Variants in TRPM8 observed in about 807,000 individuals in gnomAD.
The protein encoded by TRPM8 is TRPM8 cationic channel.
In TRPM8, 110 loss-of-function variants were observed where a neutral mutation model predicts 133.7. The ratio of observed to expected loss-of-function variants is 0.82; its 90% CI spans 0.70 to 0.96. The LOEUF is 0.96. Ranked by LOEUF, TRPM8 falls within the 40% of genes least tolerant of loss-of-function variation. The probability of loss-of-function intolerance (pLI) is 0.00; values close to 1 mark genes in which losing one functional copy is unlikely to be tolerated. For missense variants in TRPM8, 1,291 were observed against 1,379.5 expected, an observed-to-expected ratio of 0.94 and a Z score of 1.02; for synonymous variants, 535 against 532.3, an observed-to-expected ratio of 1.01 and a Z score of -0.07.
Position 233,995,662 on chromosome 2 carries a change from A to T in TRPM8, c.2940-664A>T, listed in dbSNP as rs17862939. Among the ~76,000 whole-genome samples the T allele has an allele frequency of 5.7e-3, 869 of 152,290 alleles. 4 individuals carry two copies. The highest frequency in any genetic ancestry group is 9.9e-3 in the Admixed American group (151 of 15,296). On this transcript the variant is annotated intron_variant, in intron 21 of 25. Transcript: ENST00000324695. Reference sequence around the variant, plus strand: ...ATAACTTTAATGGCTGCATAATGTAATCATATTGATTAATCGTAATGTGTG... The same window carrying T: ...ATAACTTTAATGGCTGCATAATGTATTCATATTGATTAATCGTAATGTGTG...
chr2:233,985,083 G>GAA (rs11305740), intron 20 of TRPM8, among the ~76,000 whole-genome samples: 46,834 of 146,182 alleles, frequency 0.32, 7,693 homozygotes, highest in Middle Eastern at 0.39. Context: ...GATTCTGTCT[G>GAA]AAAAAAAAAA....
intron 2 of TRPM8, among the ~76,000 whole-genome samples, chr2:233,928,841 C>T (rs1444590422): frequency 6.6e-6 from 1 of 152,160 alleles, no homozygotes; most frequent in Admixed American, 6.5e-5. Context: ...GAGGTTATAA[C>T]CACTATCCTG....
chr2:233,949,963 C>T lies in TRPM8; in HGVS notation c.957C>T (p.Ser319=). ...GKETLKAINT[S]IKNKIPCVVV... is the part of the protein sequence containing the mutation. ...CCTTCCTCCAGGCCATCAATACCTCCATCAAAAATAAAATTCCTTGTGTGG... is the reference window on the plus strand; with the variant it reads ...CCTTCCTCCAGGCCATCAATACCTCTATCAAAAATAAAATTCCTTGTGTGG... The change falls in exon 9 of 26, where the codon TCC becomes TCT. Residue 319 remains serine, a synonymous_variant. Transcript: ENST00000324695. 1 of 1,614,144 alleles carries T rather than the reference C, an allele frequency of 6.2e-7. No individual in the cohort carries two copies. Among genetic ancestry groups the T allele is most frequent in the African/African-American group, 1.3e-5 (1 of 75,054 alleles).
intron 23 of TRPM8, among the ~76,000 whole-genome samples, chr2:234,007,608 T>C (rs1392783657): frequency 6.6e-6 from 1 of 152,214 alleles, no homozygotes; most frequent in East Asian, 1.9e-4. Flanking sequence ...CAGCTGTCAC[T>C]CTTCCTGAGG....
intron 3 of TRPM8, among the ~76,000 whole-genome samples, chr2:233,931,577 C>T (rs1691680080): frequency 6.6e-6 from 1 of 152,174 alleles, no homozygotes; most frequent in Non-Finnish European, 1.5e-5. Context: ...GGCCTTGAGC[C>T]AATTATTCTC....
chr2:233,996,555 G>A, intron 22 of TRPM8, 39 bp downstream of exon 22: 1 of 1,591,102 alleles, frequency 6.3e-7, no homozygotes, highest in Non-Finnish European at 8.6e-7. Flanking sequence ...ATCAGAAGCA[G>A]CGATTAATTT....
At chr2:233,974,601 C>A (rs1691820046) in intron 17 of TRPM8, among the ~76,000 whole-genome samples, 1 of 152,150 alleles carries the variant, frequency 6.6e-6, no homozygotes, top group African/African-American at 2.4e-5. Flanking sequence ...CCTGGCAGGC[C>A]TTTTCTGGCA....
chr2:233,928,003 T>C (rs936648793), intron 2 of TRPM8, among the ~76,000 whole-genome samples: 1 of 143,712 alleles, frequency 7.0e-6, no homozygotes, highest in African/African-American at 2.7e-5. Flanking sequence ...GGAGTCTCGC[T>C]GTATCGCCCA....
intron 1 of TRPM8, among the ~76,000 whole-genome samples, chr2:233,920,236 T>A (rs1183295451): frequency 1.3e-5 from 2 of 152,218 alleles, no homozygotes; most frequent in Admixed American, 6.5e-5. Flanking sequence ...GGTAGGTCTA[T>A]CGTGAAGTTT....
At chr2:233,938,892 C>T (rs1574702812) in intron 4 of TRPM8, 106 bp from the exon 5 acceptor site, 1 of 1,344,818 alleles carries the variant, frequency 7.4e-7, no homozygotes, top group East Asian at 2.4e-5. Context: ...CCCCGCCCCT[C>T]TTCTAGAAGC....
At chr2:233,976,702 G>T (rs1691882221) in intron 17 of TRPM8, among the ~76,000 whole-genome samples, 1 of 152,170 alleles carries the variant, frequency 6.6e-6, no homozygotes, top group Non-Finnish European at 1.5e-5. Flanking sequence ...GGGTATGAAA[G>T]CAACAGTATG....
chr2:233,978,086 T>TTA (rs1691914048), intron 17 of TRPM8, among the ~76,000 whole-genome samples: 1 of 152,124 alleles, frequency 6.6e-6, no homozygotes, highest in Non-Finnish European at 1.5e-5. Context: ...ATTTGCTTTT[T>TTA]TTTTTTTTTA....
intron 9 of TRPM8, among the ~76,000 whole-genome samples, chr2:233,950,478 A>G (rs2125130609): frequency 6.6e-6 from 1 of 152,372 alleles, no homozygotes; most frequent in Non-Finnish European, 1.5e-5. Context: ...AAAAAGAGAT[A>G]AACATATCAG....
Position 233,955,083 on chromosome 2 carries a change from C to G in TRPM8, c.1244-49C>G, listed in dbSNP as rs1382789096. On this transcript the variant is annotated intron_variant, in intron 10 of 25. Transcript: ENST00000324695. ...TTGGCCACACTGAATGGTTCTCACTCTTATTTCTGAGCCTTTGGTGAGTTG... is the reference window on the plus strand; with the variant it reads ...TTGGCCACACTGAATGGTTCTCACTGTTATTTCTGAGCCTTTGGTGAGTTG... 5 of 1,425,986 alleles carry G rather than the reference C, an allele frequency of 3.5e-6. No homozygotes were observed. In the Admixed American group the frequency reaches 8.4e-5, roughly 24 times the overall value. The allele number at this position is 1,425,986 out of a possible 1,614,324, so 88.3% of individuals were successfully genotyped here. A position where few individuals can be genotyped will look rare whatever the true frequency, so the allele number is the denominator to read the frequency against.
At chr2:233,982,763 T>G (rs1692042109) in intron 19 of TRPM8, among the ~76,000 whole-genome samples, 1 of 152,208 alleles carries the variant, frequency 6.6e-6, no homozygotes, top group Non-Finnish European at 1.5e-5. Flanking sequence ...AGATTCCTCC[T>G]TTGCTCTAGA....
At chr2:233,958,336 T>A (rs1691341522) in intron 11 of TRPM8, among the ~76,000 whole-genome samples, 1 of 152,174 alleles carries the variant, frequency 6.6e-6, no homozygotes, top group African/African-American at 2.4e-5. Flanking sequence ...AATGGTAGAA[T>A]CAAGGTTGAG....
chr2:233,942,480 T>C, intron 5 of TRPM8, 96 bp from the exon 6 acceptor site: 1 of 1,241,656 alleles, frequency 8.1e-7, no homozygotes, highest in Non-Finnish European at 1.2e-6. Context: ...TCCTGATGCC[T>C]ACAGGGATGG....
intron 1 of TRPM8, 31 bp downstream of exon 1, chr2:233,917,463 C>T (rs200361133): frequency 6.6e-6 from 1 of 152,176 alleles, no homozygotes; most frequent in Non-Finnish European, 1.5e-5. Context: ...TTTTGCTTCT[C>T]CTTAAATGTT....
At chr2:233,947,488 T>A in intron 8 of TRPM8, 4 of 1,329,768 alleles carry the variant, frequency 3.0e-6, no homozygotes, top group Non-Finnish European at 4.0e-6. Context: ...CCTATCTGCA[T>A]TGAGATGAGC....
Sources: allele counts gnomAD v4.1 joint callset (sites outside exome capture counted in the v4.1 genomes callset), GRCh38; gene constraint gnomAD v4.1.1; transcripts MANE v1.5; gene names NCBI Gene and HGNC (gene_info 2026-07-23, HGNC 2026-07-21).